The following PDK4 variants were observed in gnomAD, a reference collection of about 807,000 sequenced individuals.
The protein encoded by PDK4 is pyruvate dehydrogenase kinase 4.
In PDK4, 43 loss-of-function variants were observed where a neutral mutation model predicts 51.7. The observed-to-expected ratio is 0.83, with a 90% CI of 0.65 to 1.07. The LOEUF (loss-of-function observed/expected upper bound fraction) is 1.07. Among genes scored for constraint, PDK4 ranks in the 50% least tolerant of loss-of-function variants. PDK4 has a pLI of 0.00. For synonymous variants in PDK4, 170 were observed against 176.6 expected (o/e 0.96, Z 0.30); for missense variants, 498 against 503.5 (o/e 0.99, Z 0.10).
rs372298783 is a variant in PDK4 at position 95,592,953 on chromosome 7, C to T, written c.345-9G>A. 6 of 1,551,098 alleles carry T rather than the reference C, an allele frequency of 3.9e-6. No individual in the cohort carries two copies. The highest frequency in any genetic ancestry group is 5.3e-6 in the Non-Finnish European group (6 of 1,141,642). On this transcript the variant is annotated splice_polypyrimidine_tract_variant and intron_variant, in intron 3 of 10. Coordinates refer to ENST00000005178, the MANE Select transcript of PDK4 (RefSeq NM_002612.4). Reference sequence around the variant, plus strand: ...TGAGTGTATCTACAAAGCTAAGCCACAATATTTATGGTTAGTAAAAGTTCA... The same window carrying T: ...TGAGTGTATCTACAAAGCTAAGCCATAATATTTATGGTTAGTAAAAGTTCA...
At chr7:95,587,395 T>A in intron 9 of PDK4, 23 bp downstream of exon 9, 1 of 1,346,220 alleles carries the variant, frequency 7.4e-7, no homozygotes. Context: ...CTGAGATTAA[T>A]TTAGCCATAT....
chr7:95,595,348 C>T (rs1296859858), intron 1 of PDK4, among the ~76,000 whole-genome samples, 184 bp from the exon 2 acceptor site: 4 of 152,142 alleles, frequency 2.6e-5, no homozygotes, highest in African/African-American at 9.7e-5. Context: ...TCCCTTCGTC[C>T]TTTCGTCTTT....
rs757459271 is a variant in PDK4 at position 95,587,540 on chromosome 7, A to C, written c.871-12T>G. The stretch of plus-strand genomic sequence containing the variant: ...CCTCTGTCTGAAATCTAAAACAAAC[A>C]AACAAGTCATCAAAGCCACACATTA... On this transcript the variant is annotated splice_polypyrimidine_tract_variant and intron_variant, in intron 8 of 10. Coordinates refer to ENST00000005178, the MANE Select transcript of PDK4 (RefSeq NM_002612.4). 6.6e-7 allele frequency: 1 copy of C among 1,515,826 alleles called. No homozygotes were observed. Among genetic ancestry groups the C allele is most frequent in the Middle Eastern group, 1.7e-4 (1 of 5,870 alleles). 93.9% of individuals were successfully genotyped at this position (1,515,826 alleles called of 1,614,324 possible).
Position 95,587,855 on chromosome 7 carries a change from A to G in PDK4, c.772-30T>C, listed in dbSNP as rs756464611. The stretch of plus-strand genomic sequence containing the variant: ...AACAAAGCAAACCATAAGGAATTCA[A>G]TGGCAGAGGAATGAGGGACAATAAA... On this transcript the variant is annotated intron_variant, in intron 7 of 10. Coordinates refer to ENST00000005178, the MANE Select transcript of PDK4 (RefSeq NM_002612.4). The G allele has an allele frequency of 5.2e-6, 7 of 1,343,794 alleles. No homozygotes were observed. In the South Asian group the frequency reaches 7.1e-5, roughly 14 times the overall value. The allele number at this position is 1,343,794 out of a possible 1,614,324, so 83.2% of individuals were successfully genotyped here. A position where few individuals can be genotyped will look rare whatever the true frequency, so the allele number is the denominator to read the frequency against.
At chr7:95,591,537 A>G (rs952685334) in intron 6 of PDK4, among the ~76,000 whole-genome samples, 4 of 152,122 alleles carry the variant, frequency 2.6e-5, no homozygotes, top group African/African-American at 9.7e-5. Context: ...ACCATTTTAT[A>G]CATCTCATAT....
In PDK4 at chr7:95,592,842, T is replaced by G. The variant is rs769965484; in HGVS notation, c.447A>C (p.Pro149=). The G allele has an allele frequency of 6.2e-7, 1 of 1,612,226 alleles. No homozygotes were observed. Among genetic ancestry groups the G allele is most frequent in the South Asian group, 1.1e-5 (1 of 91,020 alleles). ...AATATTGAAGATTTTGATTGGTGACTGGGTCAACTGTACAGGCATCTTTAT... is the reference window on the plus strand; with the variant it reads ...AATATTGAAGATTTTGATTGGTGACGGGGTCAACTGTACAGGCATCTTTAT... ...IEYKDACTVD[P]VTNQNLQYFL... is the part of the protein sequence containing the mutation. Residue 149 remains proline, a synonymous_variant, in exon 4 of 11, where the codon CCA becomes CCC. Coordinates refer to ENST00000005178, the MANE Select transcript of PDK4 (RefSeq NM_002612.4).
At chr7:95,592,103 T>C (rs1449672164) in intron 5 of PDK4, 38 bp from the exon 6 acceptor site, 2 of 1,189,920 alleles carry the variant, frequency 1.7e-6, no homozygotes. Context: ...ATGAAATGAG[T>C]TTATGCCAAG....
intron 7 of PDK4, among the ~76,000 whole-genome samples, chr7:95,588,925 T>G (rs1020332636): frequency 1.3e-5 from 2 of 152,200 alleles, no homozygotes; most frequent in Non-Finnish European, 2.9e-5. Flanking sequence ...AATCAAAATC[T>G]CTGGGGTAGA....
At chr7:95,589,011 A>G (rs1562837169) in intron 7 of PDK4, among the ~76,000 whole-genome samples, 1 of 152,260 alleles carries the variant, frequency 6.6e-6, no homozygotes, top group Non-Finnish European at 1.5e-5. Context: ...ACAACTCTAC[A>G]GGCCTGCTAG....
At chr7:95,589,566 T>C (rs1462808955) in intron 7 of PDK4, 74 bp downstream of exon 7, 69 of 759,336 alleles carry the variant, frequency 9.1e-5, no homozygotes, top group Non-Finnish European at 1.0e-4. Context: ...TTGTGGCGAA[T>C]AATAAAGGAG....
At chr7:95,595,350 T>G (rs1791606031) in intron 1 of PDK4, among the ~76,000 whole-genome samples, 186 bp from the exon 2 acceptor site, 1 of 152,220 alleles carries the variant, frequency 6.6e-6, no homozygotes, top group African/African-American at 2.4e-5. Flanking sequence ...CCTTCGTCCT[T>G]TCGTCTTTCC....
At position 95,584,985 on chromosome 7, in the gene PDK4, G is replaced by T. The variant is rs1791463019; in HGVS notation, c.*656C>A. 1 of 152,524 alleles carries T rather than the reference G, an allele frequency of 6.6e-6. No individual in the cohort carries two copies. Among genetic ancestry groups the T allele is most frequent in the East Asian group, 1.9e-4 (1 of 5,190 alleles). 9.4% of individuals were successfully genotyped at this position (152,524 alleles called of 1,614,324 possible). The stretch of plus-strand genomic sequence containing the variant: ...TAATAAAGGAGCTGTGTTTTTATCA[G>T]AGGAGCCTTCCTTCTGAGTTTTTAC... On this transcript the variant is annotated 3_prime_UTR_variant, in exon 11 of 11. Transcript: ENST00000005178.
intron 6 of PDK4, among the ~76,000 whole-genome samples, chr7:95,590,853 G>T (rs184302356): frequency 6.6e-6 from 1 of 152,312 alleles, no homozygotes; most frequent in Non-Finnish European, 1.5e-5. Context: ...ATGGGAAGGG[G>T]TGAAAATAGT....
In PDK4 at chr7:95,586,201, T is replaced by TGTTTTTG. The variant is rs1449641336; in HGVS notation, c.1096-421_1096-420insCAAAAAC. On this transcript the variant is annotated intron_variant, in intron 10 of 10. Coordinates refer to ENST00000005178, the MANE Select transcript of PDK4 (RefSeq NM_002612.4). ...AGGAAAATATGCACCAAGGTTTTTT[T>TGTTTTTG]TTTTTTTTTTTGAGACGGAGTCTAG... is the stretch of plus-strand genomic sequence containing the variant. Among the ~76,000 whole-genome samples, 91 of 147,704 alleles carry TGTTTTTG rather than the reference T, an allele frequency of 6.2e-4. 1 individual carries two copies. The highest frequency in any genetic ancestry group is 2.3e-3 in the African/African-American group (89 of 39,548).
At chr7:95,587,310 G>T in intron 9 of PDK4, 108 bp downstream of exon 9, 1 of 779,542 alleles carries the variant, frequency 1.3e-6, no homozygotes, top group Non-Finnish European at 2.2e-6. Context: ...TATCCTTCAT[G>T]TCTAATTTTA....
intron 6 of PDK4, among the ~76,000 whole-genome samples, chr7:95,590,316 G>A (rs1468393884): frequency 6.6e-6 from 1 of 151,684 alleles, no homozygotes; most frequent in East Asian, 1.9e-4. Flanking sequence ...GATTTTTCTT[G>A]TTTTTTGTAT....
intron 3 of PDK4, 73 bp from the exon 4 acceptor site, chr7:95,593,017 C>T (rs190139178): frequency 1.9e-6 from 2 of 1,047,428 alleles, no homozygotes; most frequent in East Asian, 4.9e-5. Context: ...GGTTACTTCA[C>T]AGAAGGCTAA....
rs1039213055 is a variant in PDK4, at chr7:95,587,072, G to C, written c.1033C>G (p.Gln345Glu). The stretch of plus-strand genomic sequence containing the variant: ...AAAGAGTAGAGATTCAGATCTCCTT[G>C]AAAGTACTTTGCATACAGACGAGAA... ...PISRLYAKYF[Q>E]GDLNLYSLSG... is the part of the protein sequence containing the mutation. Residue 345 changes from glutamine (Q) to glutamate (E), a missense_variant, in exon 10 of 11, where the codon CAA becomes GAA. By Grantham distance (29) the Gln-to-Glu change is conservative. Transcript: ENST00000005178. 8 of 1,612,622 alleles carry C rather than the reference G, an allele frequency of 5.0e-6. No individual in the cohort carries two copies. The highest frequency in any genetic ancestry group is 6.8e-6 in the Non-Finnish European group (8 of 1,178,768).
intron 7 of PDK4, among the ~76,000 whole-genome samples, chr7:95,589,390 C>T (rs1054843281): frequency 3.9e-5 from 6 of 152,170 alleles, no homozygotes; most frequent in South Asian, 4.1e-4. Flanking sequence ...ATAAGAACTT[C>T]CTCTTGGCTG....
Sources: allele counts gnomAD v4.1 joint callset (sites outside exome capture counted in the v4.1 genomes callset), GRCh38; gene constraint gnomAD v4.1.1; transcripts MANE v1.5; gene names NCBI Gene and HGNC (gene_info 2026-07-23, HGNC 2026-07-21).